The following HHIPL1 variants were observed in gnomAD, a reference collection of about 807,000 sequenced individuals.
HHIPL1 encodes HHIP like 1.
HHIPL1 carries 43 observed loss-of-function variants against 61.8 expected under a neutral mutation model. The ratio of observed to expected loss-of-function variants is 0.70; its 90% CI spans 0.55 to 0.90. The LOEUF is 0.90. Among genes scored for constraint, HHIPL1 ranks in the 40% least tolerant of loss-of-function variants. The pLI, the probability that HHIPL1 is intolerant of heterozygous loss-of-function variation, is 0.00. For missense variants in HHIPL1, 1,056 were observed against 1,157.7 expected (o/e 0.91, Z 1.28); for synonymous variants, 482 against 515.8 (o/e 0.93, Z 0.89).
At chr14:99,623,212 A>G in the HHIPL1 span, among the ~76,000 whole-genome samples, 1 of 152,134 alleles carries the variant, frequency 6.6e-6, no homozygotes, top group Non-Finnish European at 1.5e-5. Context: ...TGTGTGATTT[A>G]ATAGGGGTGT....
rs1029605837 is a variant in HHIPL1 at position 99,678,102 on chromosome 14, C to T, written c.*2476C>T. The T allele has an allele frequency of 2.0e-5, 3 of 152,236 alleles. No homozygotes were observed. Among genetic ancestry groups the T allele is most frequent in the African/African-American group, 7.2e-5 (3 of 41,438 alleles). 9.4% of individuals were successfully genotyped at this position (152,236 alleles called of 1,614,324 possible). On this transcript the variant is annotated 3_prime_UTR_variant, in exon 9 of 9. Coordinates refer to ENST00000330710, the MANE Select transcript of HHIPL1 (RefSeq NM_001127258.3). ...AGGAGTTCACAGCCTAGATCCCTCGCATGCACAGTTCATAGTAGGTTTCAT... is the reference window on the plus strand; with the variant it reads ...AGGAGTTCACAGCCTAGATCCCTCGTATGCACAGTTCATAGTAGGTTTCAT...
chr14:99,647,338 A>C (rs998290652), intron 1 of HHIPL1, among the ~76,000 whole-genome samples: 3 of 152,194 alleles, frequency 2.0e-5, no homozygotes, highest in Non-Finnish European at 4.4e-5. Flanking sequence ...CCTCAGGACC[A>C]GGTCCTTTGG....
chr14:99,607,021 CT>C, the HHIPL1 span, among the ~76,000 whole-genome samples: 79 of 68,416 alleles, frequency 1.2e-3, no homozygotes, highest in African/African-American at 4.9e-3. Context: ...GTGACTTTGC[CT>C]TTTTTTTTTT....
intron 1 of HHIPL1, among the ~76,000 whole-genome samples, chr14:99,650,585 C>T (rs560871168): frequency 5.9e-5 from 9 of 152,334 alleles, no homozygotes; most frequent in African/African-American, 2.2e-4. Flanking sequence ...GCTGAGCAGA[C>T]GTGGCTCAAA....
At chr14:99,634,274 G>C in the HHIPL1 span, among the ~76,000 whole-genome samples, 1 of 152,160 alleles carries the variant, frequency 6.6e-6, no homozygotes, top group Non-Finnish European at 1.5e-5. Context: ...GGTGGCATCT[G>C]TCAGCCCCCA....
chr14:99,643,803 T>C (rs1482963748), upstream of HHIPL1, among the ~76,000 whole-genome samples: 1 of 152,158 alleles, frequency 6.6e-6, no homozygotes, highest in African/African-American at 2.4e-5. Context: ...TCCTCCTCTG[T>C]CTGTGCAGAA....
chr14:99,649,189 A>G (rs1255050701), intron 1 of HHIPL1, among the ~76,000 whole-genome samples: 1 of 152,188 alleles, frequency 6.6e-6, no homozygotes, highest in East Asian at 1.9e-4. Flanking sequence ...TGTGATTGGG[A>G]CGCACGGATG....
chr14:99,674,323 T>C (rs998549839), intron 8 of HHIPL1, among the ~76,000 whole-genome samples: 4 of 126,052 alleles, frequency 3.2e-5, no homozygotes, highest in African/African-American at 1.2e-4. Flanking sequence ...TTGAGGTCTA[T>C]CCCTGTGGCT....
chr14:99,649,899 C>T (rs1380567582), intron 1 of HHIPL1, among the ~76,000 whole-genome samples: 2 of 152,256 alleles, frequency 1.3e-5, no homozygotes, highest in African/African-American at 4.8e-5. Context: ...GTGCAGCTGC[C>T]GGCTGACCCA....
Position 99,652,889 on chromosome 14 carries a change from C to T in HHIPL1, c.902+19C>T, listed in dbSNP as rs751666860. On this transcript the variant is annotated intron_variant, in intron 2 of 8. Coordinates refer to ENST00000330710, the MANE Select transcript of HHIPL1 (RefSeq NM_001127258.3). The stretch of plus-strand genomic sequence containing the variant: ...CTGAGAGGTGGCTTCCTTGGGGAAC[C>T]CGGGCCTGGGTGGGGGCAGGCACCC... The T allele has an allele frequency of 6.2e-7, 1 of 1,605,710 alleles. No individual in the cohort carries two copies. Among genetic ancestry groups the T allele is most frequent in the African/African-American group, 1.3e-5 (1 of 74,804 alleles).
the HHIPL1 span, among the ~76,000 whole-genome samples, chr14:99,633,660 T>C: frequency 6.6e-6 from 1 of 152,208 alleles, no homozygotes; most frequent in Non-Finnish European, 1.5e-5. Flanking sequence ...ACTATCCCGC[T>C]TACTAAATCT....
chr14:99,663,644 C>T (rs113971939), intron 6 of HHIPL1, among the ~76,000 whole-genome samples: 66 of 152,276 alleles, frequency 4.3e-4, no homozygotes, highest in African/African-American at 1.6e-3. Context: ...CCTTATTTTA[C>T]CCAGCTCTTA....
Position 99,675,288 on chromosome 14 carries a change from G to A in HHIPL1, c.2011G>A (p.Gly671Ser), listed in dbSNP as rs1352073026. 1 of 1,282,990 alleles carries A rather than the reference G, an allele frequency of 7.8e-7. No homozygotes were observed. Among genetic ancestry groups the A allele is most frequent in the African/African-American group, 1.5e-5 (1 of 64,588 alleles). 79.5% of individuals were successfully genotyped at this position (1,282,990 alleles called of 1,614,324 possible). Residue 671 changes from glycine to serine, a missense_variant, in exon 9 of 9, where the codon GGC (glycine) becomes AGC (serine). Coordinates refer to ENST00000330710, the MANE Select transcript of HHIPL1 (RefSeq NM_001127258.3). This position sits in a 1 kb window ranked among gnomAD's most constrained non-coding sequence, Gnocchi z 5.4. ...LNSASRAFRD[G>S]EVRLVRPAGL... ...CTCGGCGAGCCGGGCGTTCCGGGAT[G>A]GCGAGGTGCGCCTGGTGCGGCCCGC...
the HHIPL1 span, among the ~76,000 whole-genome samples, chr14:99,638,382 C>A: frequency 2.6e-5 from 4 of 152,200 alleles, no homozygotes; most frequent in East Asian, 7.7e-4. Flanking sequence ...CCTTCCCAGT[C>A]TTTCTGTAGA....
At chr14:99,637,232 G>GA in the HHIPL1 span, among the ~76,000 whole-genome samples, 2 of 147,788 alleles carry the variant, frequency 1.4e-5, no homozygotes, top group Non-Finnish European at 3.0e-5. Flanking sequence ...AAGAAAGAAA[G>GA]AAAGAAAGAA....
the HHIPL1 span, among the ~76,000 whole-genome samples, chr14:99,623,071 G>A: frequency 1.3e-5 from 2 of 152,216 alleles, no homozygotes; most frequent in Non-Finnish European, 2.9e-5. Context: ...CGCGTGTGCT[G>A]AGCCTGAAAG....
intron 6 of HHIPL1, among the ~76,000 whole-genome samples, chr14:99,665,044 C>T (rs746574655): frequency 3.9e-5 from 6 of 152,032 alleles, no homozygotes; most frequent in Non-Finnish European, 7.4e-5. Context: ...ATACCTCAGC[C>T]CCCGGAGCAG....
chr14:99,638,440 A>G, the HHIPL1 span, among the ~76,000 whole-genome samples: 1 of 152,180 alleles, frequency 6.6e-6, no homozygotes, highest in Non-Finnish European at 1.5e-5. Flanking sequence ...GCTGGAGCCG[A>G]TGCGTAGGTG....
the HHIPL1 span, among the ~76,000 whole-genome samples, chr14:99,619,417 G>C: frequency 6.7e-6 from 1 of 149,768 alleles, no homozygotes; most frequent in Non-Finnish European, 1.5e-5. Flanking sequence ...GGCCGAGATC[G>C]CACTGTTGCA....
Sources: allele counts gnomAD v4.1 joint callset (sites outside exome capture counted in the v4.1 genomes callset), GRCh38; gene constraint gnomAD v4.1.1; non-coding constraint Gnocchi (gnomAD v3.1); transcripts MANE v1.5; gene names NCBI Gene and HGNC (gene_info 2026-07-23, HGNC 2026-07-21).